Variants in DAPL1 observed in about 807,000 individuals in gnomAD.
DAPL1 encodes death associated protein like 1.
DAPL1 carries 17 observed loss-of-function variants against 12.9 expected under a neutral mutation model. That is an observed-to-expected ratio of 1.32 (90% confidence interval 0.90 to 1.98). DAPL1 has a LOEUF of 1.98. Among genes scored for constraint, DAPL1 ranks in the 30% most tolerant of loss-of-function variants. The pLI is 0.00. For synonymous variants in DAPL1, 51 were observed against 42.0 expected (o/e 1.21, Z -0.82); for missense variants, 157 against 125.7 (o/e 1.25, Z -1.19).
At chr2:158,814,115 A>T (rs1233941741) in intron 3 of DAPL1, among the ~76,000 whole-genome samples, 2 of 152,230 alleles carry the variant, frequency 1.3e-5, no homozygotes, top group Non-Finnish European at 2.9e-5. Flanking sequence ...GAAATAATTC[A>T]TCTATTTTAG....
At chr2:158,796,844 T>A (rs1002828735) in intron 1 of DAPL1, among the ~76,000 whole-genome samples, 2 of 152,148 alleles carry the variant, frequency 1.3e-5, no homozygotes, top group East Asian at 1.9e-4. Context: ...ATCAAGCATG[T>A]CACAATGCCT....
At chr2:158,806,879 G>A (rs1465507819) in intron 2 of DAPL1, among the ~76,000 whole-genome samples, 176 bp from the exon 3 acceptor site, 1 of 151,280 alleles carries the variant, frequency 6.6e-6, no homozygotes, top group African/African-American at 2.4e-5. Context: ...AATTTGGCCT[G>A]CAAAGCTTGT....
intron 2 of DAPL1, among the ~76,000 whole-genome samples, chr2:158,804,909 G>A (rs149969341): frequency 1.2e-3 from 184 of 152,264 alleles, no homozygotes; most frequent in African/African-American, 4.2e-3. Flanking sequence ...TAACATTGAC[G>A]CCTGCCCTAT....
intron 1 of DAPL1, among the ~76,000 whole-genome samples, chr2:158,800,218 C>G (rs567352344): frequency 6.6e-6 from 1 of 152,156 alleles, no homozygotes; most frequent in Admixed American, 6.5e-5. Context: ...GTTCAACTTC[C>G]ACTGAATTCC....
At chr2:158,797,909 C>A (rs1043304919) in intron 1 of DAPL1, among the ~76,000 whole-genome samples, 20 of 152,094 alleles carry the variant, frequency 1.3e-4, no homozygotes, top group Admixed American at 2.6e-4. Context: ...CTCTGATAGC[C>A]CTAGTTATAC....
chr2:158,804,157 CA>C, intron 1 of DAPL1, 124 bp from the exon 2 acceptor site: 1 of 649,476 alleles, frequency 1.5e-6, no homozygotes. Flanking sequence ...TTGTTTTATA[CA>C]AACGTTTAGA....
chr2:158,813,769 A>C (rs1397705005), intron 3 of DAPL1, among the ~76,000 whole-genome samples: 1 of 151,964 alleles, frequency 6.6e-6, no homozygotes, highest in Non-Finnish European at 1.5e-5. Context: ...GTTAGCCAGG[A>C]TGGTCTCGAT....
intron 3 of DAPL1, among the ~76,000 whole-genome samples, chr2:158,814,290 A>C (rs916992547): frequency 4.0e-5 from 6 of 148,916 alleles, no homozygotes; most frequent in African/African-American, 9.8e-5. Flanking sequence ...CTGACCTGAC[A>C]AAAAAAAAAG....
Position 158,806,128 on chromosome 2 carries a change from T to C in DAPL1, c.147-927T>C, listed in dbSNP as rs1049861533. Among the ~76,000 whole-genome samples, 4 of 148,252 alleles carry C rather than the reference T, an allele frequency of 2.7e-5. 1 individual carries two copies. The Admixed American group carries it at 2.7e-4, about 10-fold the overall frequency. On this transcript the variant is annotated intron_variant, in intron 2 of 3. Coordinates refer to ENST00000309950, the MANE Select transcript of DAPL1 (RefSeq NM_001017920.3). ...TGGACAAACACTCCTTTGTATGTCA[T>C]CTTAGAGAATAGCTTTTTAAAAATA...
At chr2:158,800,502 C>T (rs963327689) in intron 1 of DAPL1, among the ~76,000 whole-genome samples, 5 of 152,268 alleles carry the variant, frequency 3.3e-5, no homozygotes, top group African/African-American at 1.2e-4. Context: ...TTTCTGACAG[C>T]AATAGTCAGT....
rs996324102 is a variant in DAPL1, at chr2:158,815,626, A to C, written c.208-79A>C. On this transcript the variant is annotated intron_variant, in intron 3 of 3. Transcript: ENST00000309950. Reference sequence around the variant, plus strand: ...AATTGTGAGATTCCCTTGATCAACGATATCACTTTCTACTAGTTTAATATT... The same window carrying C: ...AATTGTGAGATTCCCTTGATCAACGCTATCACTTTCTACTAGTTTAATATT... 5.8e-6 allele frequency: 5 copies of C among 862,166 alleles called. No homozygotes were observed. In the African/African-American group the frequency reaches 8.3e-5, roughly 14 times the overall value. 53.4% of individuals were successfully genotyped at this position (862,166 alleles called of 1,614,324 possible).
chr2:158,808,851 A>G (rs1049190431), intron 3 of DAPL1, among the ~76,000 whole-genome samples: 2 of 152,238 alleles, frequency 1.3e-5, no homozygotes, highest in Admixed American at 1.3e-4. Context: ...TTGAAAAGGA[A>G]TGGTCAATAA....
Position 158,795,345 on chromosome 2 carries a change from AGCACTGGCACTG to A in DAPL1, c.-17_-6del, listed in dbSNP as rs748564874. On this transcript the variant is annotated 5_prime_UTR_variant, in exon 1 of 4. Coordinates refer to ENST00000309950, the MANE Select transcript of DAPL1 (RefSeq NM_001017920.3). ...GCTGGCATTCAGCCTCCAGAGCACC[AGCACTGGCACTG>A]GCACTGGCACACGCTATGGCAAATG... The A allele has an allele frequency of 2.3e-5, 35 of 1,552,402 alleles. No individual in the cohort carries two copies. The highest frequency in any genetic ancestry group is 2.9e-5 in the Non-Finnish European group (33 of 1,147,352).
In DAPL1 at chr2:158,807,080, C is replaced by G. The variant is rs760797701; in HGVS notation, c.172C>G (p.Gln58Glu). The G allele has an allele frequency of 2.5e-6, 4 of 1,612,132 alleles. No individual in the cohort carries two copies. In the Admixed American group the frequency reaches 6.7e-5, roughly 27 times the overall value. The change falls in exon 3 of 4, where the codon CAG (glutamine) becomes GAG (glutamate). Residue 58 changes from glutamine (Q) to glutamate (E), a missense_variant. Coordinates refer to ENST00000309950, the MANE Select transcript of DAPL1 (RefSeq NM_001017920.3). ...TGCCATTGCAAATGTTGCCAAAATA[C>G]AGACACTGGATGCCCTGAATGACGC... is the stretch of plus-strand genomic sequence containing the variant. The part of the protein sequence containing the change: ...TSAIANVAKI[Q>E]TLDALNDALE...
At chr2:158,812,520 G>T (rs986041524) in intron 3 of DAPL1, among the ~76,000 whole-genome samples, 1 of 152,174 alleles carries the variant, frequency 6.6e-6, no homozygotes, top group African/African-American at 2.4e-5. Flanking sequence ...CAGGCTGGAC[G>T]CAGTGGCTCA....
rs370256610 is a variant in DAPL1, at chr2:158,815,619, A to T, written c.208-86A>T. 5.8e-5 allele frequency: 49 copies of T among 838,268 alleles called. No homozygotes were observed. In the African/African-American group the frequency reaches 6.5e-4, roughly 11 times the overall value. 51.9% of individuals were successfully genotyped at this position (838,268 alleles called of 1,614,324 possible). On this transcript the variant is annotated intron_variant, in intron 3 of 3. Transcript: ENST00000309950. ...TAAACAAAATTGTGAGATTCCCTTG[A>T]TCAACGATATCACTTTCTACTAGTT...
At chr2:158,798,872 T>A (rs1219325848) in intron 1 of DAPL1, among the ~76,000 whole-genome samples, 1 of 152,146 alleles carries the variant, frequency 6.6e-6, no homozygotes. Context: ...CAAGGCAGAG[T>A]TTGCACAAAC....
chr2:158,799,722 C>G (rs529200459), intron 1 of DAPL1, among the ~76,000 whole-genome samples: 32 of 152,280 alleles, frequency 2.1e-4, no homozygotes, highest in Admixed American at 2.0e-3. Context: ...TACAAGAACT[C>G]TGTTCTGGAA....
rs1057265322 is a variant in DAPL1, at chr2:158,798,195, T to C, written c.58+2765T>C. ...AAATGAATCAGAGCCATTAGAGGTG[T>C]TGCCACTGAATCCCTAAAGAGAATA... On this transcript the variant is annotated intron_variant, in intron 1 of 3. Transcript: ENST00000309950. Among the ~76,000 whole-genome samples, 6 of 152,226 alleles carry C rather than the reference T, an allele frequency of 3.9e-5. No homozygotes were observed. The East Asian group carries it at 1.2e-3, about 29-fold the overall frequency.
Sources: allele counts gnomAD v4.1 joint callset (sites outside exome capture counted in the v4.1 genomes callset), GRCh38; gene constraint gnomAD v4.1.1; transcripts MANE v1.5; gene names NCBI Gene and HGNC (gene_info 2026-07-23, HGNC 2026-07-21).